The following AUTS2 variants were observed in gnomAD, a reference collection of about 807,000 sequenced individuals.
The protein encoded by AUTS2 is activator of transcription and developmental regulator AUTS2.
A neutral mutation model predicts 112.4 loss-of-function variants in AUTS2; 17 were observed. The observed-to-expected ratio is 0.15, with a 90% CI of 0.10 to 0.23. The LOEUF (loss-of-function observed/expected upper bound fraction) is 0.23. Among genes scored for constraint, AUTS2 ranks in the 10% least tolerant of loss-of-function variants. The probability of loss-of-function intolerance (pLI) is 1.00; values close to 1 mark genes in which losing one functional copy is unlikely to be tolerated. For synonymous variants in AUTS2, 751 were observed against 702.7 expected (o/e 1.07, Z -1.09); for missense variants, 1,510 against 1,701.6 (o/e 0.89, Z 1.98).
chr7:70,621,800 T>C (rs1397140811), intron 5 of AUTS2, among the ~76,000 whole-genome samples: 1 of 147,214 alleles, frequency 6.8e-6, no homozygotes, highest in Non-Finnish European at 1.5e-5. Context: ...TCTGGGACGC[T>C]ACAGCTAGGC....
chr7:69,719,310 C>T lies in AUTS2; in HGVS notation c.309+119348C>T, dbSNP rs189174415. 3.5e-4 allele frequency among the ~76,000 whole-genome samples: 53 copies of T among 152,228 alleles called. No homozygotes were observed. In the East Asian group the frequency reaches 0.01, roughly 29 times the overall value. On this transcript the variant is annotated intron_variant, in intron 1 of 18. Transcript: ENST00000342771. ...TCAGACTTAAAAATCTCAATTTCTT[C>T]AACTGGGTCTCACATAAAACTGTCT...
rs577822108 is a variant in AUTS2 at position 70,599,177 on chromosome 7, G to A, written c.691-99392G>A. Among the ~76,000 whole-genome samples the A allele has an allele frequency of 5.9e-5, 9 of 152,274 alleles. No individual in the cohort carries two copies. The South Asian group carries it at 6.2e-4, about 11-fold the overall frequency. ...TCTGCCCAAGTAACTCCCTGAAGCCGTACTGTAACAATAGAGCATATAAAA... is the reference window on the plus strand; with the variant it reads ...TCTGCCCAAGTAACTCCCTGAAGCCATACTGTAACAATAGAGCATATAAAA... On this transcript the variant is annotated intron_variant, in intron 5 of 18. Transcript: ENST00000342771.
intron 4 of AUTS2, among the ~76,000 whole-genome samples, chr7:70,350,309 C>CAT (rs898791191): frequency 2.0e-5 from 3 of 152,026 alleles, no homozygotes; most frequent in African/African-American, 7.3e-5. Context: ...TTTGATATTT[C>CAT]ATATATATAC....
At chr7:69,841,217 T>G (rs1488977117) in intron 1 of AUTS2, among the ~76,000 whole-genome samples, 1 of 152,152 alleles carries the variant, frequency 6.6e-6, no homozygotes, top group African/African-American at 2.4e-5. Flanking sequence ...GAGTAATTTA[T>G]AAGGAAAAGA....
chr7:70,765,329 G>A (rs1281658908), intron 8 of AUTS2, among the ~76,000 whole-genome samples: 2 of 152,264 alleles, frequency 1.3e-5, no homozygotes, highest in East Asian at 3.9e-4. Flanking sequence ...GCTCCCCTGA[G>A]GGCGATGGAA....
chr7:69,676,153 A>G (rs1480740280), intron 1 of AUTS2, among the ~76,000 whole-genome samples: 2 of 152,200 alleles, frequency 1.3e-5, no homozygotes, highest in African/African-American at 2.4e-5. Flanking sequence ...ACATTCTAAA[A>G]ATAAGAAATT....
At chr7:70,574,712 T>G (rs1047156007) in intron 5 of AUTS2, among the ~76,000 whole-genome samples, 11 of 152,128 alleles carry the variant, frequency 7.2e-5, no homozygotes, top group Non-Finnish European at 1.5e-4. Context: ...TAGAAAACTG[T>G]GAAAGGAGCC....
At chr7:69,623,381 A>ATTTTTTTTTTTTTTT (rs56204810) in intron 1 of AUTS2, among the ~76,000 whole-genome samples, 1 of 71,954 alleles carries the variant, frequency 1.4e-5, no homozygotes. Context: ...ACGCCCAGCA[A>ATTTTTTTTTTTTTTT]TTTTTTTTTT....
chr7:69,917,123 T>C (rs1283445578), intron 2 of AUTS2, among the ~76,000 whole-genome samples: 1 of 152,066 alleles, frequency 6.6e-6, no homozygotes, highest in East Asian at 1.9e-4. Context: ...AAAATGTCCT[T>C]CTGCCTCAGC....
At chr7:69,721,414 A>G (rs1462554184) in intron 1 of AUTS2, among the ~76,000 whole-genome samples, 1 of 152,192 alleles carries the variant, frequency 6.6e-6, no homozygotes, top group Non-Finnish European at 1.5e-5. Context: ...TCTTCATAGC[A>G]CTCATTATCA....
chr7:70,412,939 G>A (rs927003693), intron 4 of AUTS2, among the ~76,000 whole-genome samples: 9 of 152,308 alleles, frequency 5.9e-5, no homozygotes, highest in South Asian at 4.1e-4. Flanking sequence ...CGCAGGAGCC[G>A]AGATTGCACC....
intron 5 of AUTS2, among the ~76,000 whole-genome samples, chr7:70,666,959 A>G (rs1807382064): frequency 7.1e-6 from 1 of 140,348 alleles, no homozygotes; most frequent in African/African-American, 2.8e-5. Context: ...CTGTGTTCCT[A>G]GTGCCGTCTT....
chr7:70,022,742 G>A (rs993677538), intron 2 of AUTS2, among the ~76,000 whole-genome samples: 1 of 152,080 alleles, frequency 6.6e-6, no homozygotes, highest in Admixed American at 6.6e-5. Flanking sequence ...TGGATTTGTT[G>A]TGTGCTAGTC....
At chr7:69,964,111 T>C (rs1327824803) in intron 2 of AUTS2, among the ~76,000 whole-genome samples, 1 of 152,194 alleles carries the variant, frequency 6.6e-6, no homozygotes, top group African/African-American at 2.4e-5. Flanking sequence ...TAATTCCTAC[T>C]GTTCCACTAT....
At chr7:70,635,863 T>C (rs578006205) in intron 5 of AUTS2, among the ~76,000 whole-genome samples, 1 of 152,176 alleles carries the variant, frequency 6.6e-6, no homozygotes, top group East Asian at 1.9e-4. Context: ...GCCAGGTGGA[T>C]AGAAGTGGAA....
chr7:70,436,846 G>C (rs951831035), intron 5 of AUTS2: 1 of 152,168 alleles, frequency 6.6e-6, no homozygotes, highest in Non-Finnish European at 1.5e-5. Context: ...AGCATATGTA[G>C]CCTGTTATAA....
At chr7:69,891,479 C>T (rs1794516114) in intron 1 of AUTS2, among the ~76,000 whole-genome samples, 1 of 152,098 alleles carries the variant, frequency 6.6e-6, no homozygotes, top group Admixed American at 6.5e-5. Flanking sequence ...TTTAATTTCT[C>T]TTAGGGAAAT....
rs190956370 is a variant in AUTS2, at chr7:69,926,896, A to G, written c.522+27398A>G. ...AGATATATATAAAGATATGTAAGAT[A>G]TATAGCATATATAATATATAGTATA... On this transcript the variant is annotated intron_variant, in intron 2 of 18. Coordinates refer to ENST00000342771, the MANE Select transcript of AUTS2 (RefSeq NM_015570.4). Among the ~76,000 whole-genome samples the G allele has an allele frequency of 1.4e-4, 21 of 146,848 alleles. No individual in the cohort carries two copies. The East Asian group carries it at 4.1e-3, about 29-fold the overall frequency.
At chr7:70,386,567 T>A (rs546030091) in intron 4 of AUTS2, among the ~76,000 whole-genome samples, 2 of 152,212 alleles carry the variant, frequency 1.3e-5, no homozygotes, top group East Asian at 3.9e-4. Context: ...CTCTGTGGAT[T>A]TGCCTATTCT....
Sources: allele counts gnomAD v4.1 joint callset (sites outside exome capture counted in the v4.1 genomes callset), GRCh38; gene constraint gnomAD v4.1.1; transcripts MANE v1.5; gene names NCBI Gene and HGNC (gene_info 2026-07-23, HGNC 2026-07-21).